The following TF variants were observed in gnomAD, a reference collection of about 807,000 sequenced individuals.
The protein encoded by TF is serotransferrin.
In TF, 55 loss-of-function variants were observed where a neutral mutation model predicts 82.4. The observed-to-expected ratio is 0.67, with a 90% CI of 0.54 to 0.84. The LOEUF is 0.84. Ranked by LOEUF, TF falls within the 40% of genes least tolerant of loss-of-function variation. The pLI, the probability that TF is intolerant of heterozygous loss-of-function variation, is 0.00. For missense variants in TF, 737 were observed against 868.4 expected, an observed-to-expected ratio of 0.85 and a Z score of 1.90; for synonymous variants, 332 against 332.6, an observed-to-expected ratio of 1.00 and a Z score of 0.02.
intron 9 of TF, 53 bp from the exon 10 acceptor site, chr3:133,764,129 T>C (rs1424496806): frequency 6.6e-7 from 1 of 1,515,254 alleles, no homozygotes; most frequent in Non-Finnish European, 9.2e-7. Context: ...GAAAAGTGGG[T>C]GGCACAGGAA....
the TF span, among the ~76,000 whole-genome samples, chr3:133,735,891 T>C: frequency 5.9e-5 from 9 of 152,280 alleles, no homozygotes; most frequent in Non-Finnish European, 8.8e-5. Flanking sequence ...TTCAGGATAT[T>C]ATCCAGGAGA....
At position 133,779,068 on chromosome 3, in the gene TF, G is replaced by C. The variant is rs1018116144; in HGVS notation, c.*448G>C. The C allele has an allele frequency of 5.1e-5, 10 of 195,488 alleles. No individual in the cohort carries two copies. Among genetic ancestry groups the C allele is most frequent in the Non-Finnish European group, 1.1e-4 (10 of 94,248 alleles). 12.1% of individuals were successfully genotyped at this position (195,488 alleles called of 1,614,324 possible). A position where few individuals can be genotyped will look rare whatever the true frequency, so the allele number is the denominator to read the frequency against. On this transcript the variant is annotated 3_prime_UTR_variant, in exon 17 of 17. Transcript: ENST00000402696. ...ATGCTAAGGAAGGGGCAAGAAGGAG[G>C]ATGCAGAGTGAGTTACAGAGATCAA... is the stretch of plus-strand genomic sequence containing the variant.
intron 14 of TF, chr3:133,775,208 G>T (rs1171136479): frequency 1.7e-6 from 1 of 597,692 alleles, no homozygotes; most frequent in Non-Finnish European, 3.0e-6. Flanking sequence ...GGGTAGGGAA[G>T]GTTGGAAGGG....
the TF span, among the ~76,000 whole-genome samples, chr3:133,689,916 T>C: frequency 2.6e-5 from 4 of 151,966 alleles, no homozygotes; most frequent in Admixed American, 1.3e-4. Flanking sequence ...ATGGGGTAAA[T>C]GTAGTGTTTT....
the TF span, among the ~76,000 whole-genome samples, chr3:133,695,547 TAA>T: frequency 6.6e-6 from 1 of 152,182 alleles, no homozygotes; most frequent in East Asian, 1.9e-4. Context: ...TCTCTAGATA[TAA>T]GTTGCCTTAT....
rs1470459558 is a variant in TF, at chr3:133,791,053, T to TA, written c.*12433_*12434insA. On this transcript the variant is annotated 3_prime_UTR_variant, in exon 17 of 17. Coordinates refer to ENST00000402696, the MANE Select transcript of TF (RefSeq NM_001063.4). The stretch of plus-strand genomic sequence containing the variant: ...GTATGCACATATAAAATCATATATA[T>TA]TTTTTTTAAATTTCTAGTGGAAGGC... 4 of 150,782 alleles carry TA rather than the reference T, an allele frequency of 2.7e-5. No individual in the cohort carries two copies. Among genetic ancestry groups the TA allele is most frequent in the African/African-American group, 5.0e-5 (2 of 40,292 alleles). 9.3% of individuals were successfully genotyped at this position (150,782 alleles called of 1,614,324 possible).
the TF span, among the ~76,000 whole-genome samples, chr3:133,722,730 G>A: frequency 5.3e-5 from 8 of 152,116 alleles, no homozygotes; most frequent in Non-Finnish European, 1.0e-4. Flanking sequence ...TCTATGATGT[G>A]TTCCTCAGCC....
rs1202144153 is a variant in TF at position 133,764,238 on chromosome 3, G to A, written c.1260G>A (p.Lys420=). ...GAGGGTTTGTCTACATAGCGGGCAA[G>A]TGTGGTCTGGTGCCTGTCTTGGCAG... is the stretch of plus-strand genomic sequence containing the variant. ...LDGGFVYIAG[K]CGLVPVLAEN... The change falls in exon 10 of 17, where the codon AAG becomes AAA. Residue 420 remains lysine, a synonymous_variant. Transcript: ENST00000402696. The A allele has an allele frequency of 2.5e-6, 4 of 1,614,046 alleles. No homozygotes were observed. The highest frequency in any genetic ancestry group is 3.4e-6 in the Non-Finnish European group (4 of 1,179,896).
the TF span, among the ~76,000 whole-genome samples, chr3:133,665,255 C>T: frequency 2.0e-5 from 3 of 151,684 alleles, no homozygotes; most frequent in African/African-American, 4.8e-5. Context: ...TTGCTTGAGC[C>T]CCAGACTTTG....
upstream of TF, among the ~76,000 whole-genome samples, chr3:133,742,190 C>G (rs1559864345): frequency 6.6e-6 from 1 of 152,138 alleles, no homozygotes; most frequent in Non-Finnish European, 1.5e-5. Context: ...CTATATTGCC[C>G]AGGCTGGTCT....
At chr3:133,676,630 C>T in the TF span, among the ~76,000 whole-genome samples, 22 of 152,212 alleles carry the variant, frequency 1.4e-4, no homozygotes, top group Non-Finnish European at 2.4e-4. Context: ...TGGCCCCTCC[C>T]TGGCTCAGCA....
At chr3:133,726,289 G>A in the TF span, among the ~76,000 whole-genome samples, 1 of 152,156 alleles carries the variant, frequency 6.6e-6, no homozygotes, top group South Asian at 2.1e-4. Flanking sequence ...TCTGGTCCTG[G>A]ACTTTTTTTT....
Position 133,748,501 on chromosome 3 carries a change from A to T in TF, c.133A>T (p.Met45Leu). The change falls in exon 2 of 17, where the codon ATG (methionine) becomes TTG (leucine). Residue 45 changes from methionine (M) to leucine (L), a missense_variant. Physicochemically the swap from Met to Leu is conservative, Grantham distance 15. Coordinates refer to ENST00000402696, the MANE Select transcript of TF (RefSeq NM_001063.4). ...ATKCQSFRDHMKSVIPSDGPS... is the reference protein window; with the variant it reads ...ATKCQSFRDHLKSVIPSDGPS... ...TAAGTGCCAGAGTTTCCGCGACCATATGAAAAGCGTCATTCCATCCGATGG... is the reference window on the plus strand; with the variant it reads ...TAAGTGCCAGAGTTTCCGCGACCATTTGAAAAGCGTCATTCCATCCGATGG... The T allele has an allele frequency of 6.2e-7, 1 of 1,614,124 alleles. No homozygotes were observed. The highest frequency in any genetic ancestry group is 1.3e-5 in the African/African-American group (1 of 75,032).
At chr3:133,688,398 A>G in the TF span, 1 of 152,270 alleles carries the variant, frequency 6.6e-6, no homozygotes, top group Non-Finnish European at 1.5e-5. Context: ...ACAGTGGAAG[A>G]AAGCCTATAC....
chr3:133,723,635 C>CTTT, the TF span, among the ~76,000 whole-genome samples: 2 of 77,438 alleles, frequency 2.6e-5, no homozygotes, highest in African/African-American at 1.2e-4. Context: ...CTGTTTGGTT[C>CTTT]TTTTATTATT....
At chr3:133,741,891 T>C (rs1396641763), upstream of TF, among the ~76,000 whole-genome samples, 1 of 152,264 alleles carries the variant, frequency 6.6e-6, no homozygotes, top group Non-Finnish European at 1.5e-5. Flanking sequence ...GATGTCTTTG[T>C]TAGTTTTTCC....
At chr3:133,726,120 T>C in the TF span, among the ~76,000 whole-genome samples, 1 of 152,216 alleles carries the variant, frequency 6.6e-6, no homozygotes, top group Non-Finnish European at 1.5e-5. Flanking sequence ...AAAATTCTCT[T>C]TTTTGATTGT....
the TF span, among the ~76,000 whole-genome samples, chr3:133,726,155 G>A: frequency 6.6e-6 from 1 of 152,118 alleles, no homozygotes; most frequent in East Asian, 1.9e-4. Flanking sequence ...TTGATATCAG[G>A]ATGATGCTGG....
the TF span, among the ~76,000 whole-genome samples, chr3:133,669,103 C>G: frequency 6.6e-6 from 1 of 152,052 alleles, no homozygotes; most frequent in East Asian, 1.9e-4. Context: ...CGGGTTCAAG[C>G]GATTTTCTTG....
Sources: gnomAD v4.1 joint callset for allele counts (sites outside exome capture counted in the v4.1 genomes callset) on GRCh38, gnomAD v4.1.1 for gene constraint, MANE v1.5 for transcripts, NCBI Gene and HGNC (gene_info 2026-07-23, HGNC 2026-07-21) for gene names.